The following EYA2 variants were observed in gnomAD, a reference collection of about 807,000 sequenced individuals.
EYA2 encodes the protein EYA transcriptional coactivator and phosphatase 2.
EYA2 carries 31 observed loss-of-function variants against 69.2 expected under a neutral mutation model. That is an observed-to-expected ratio of 0.45 (90% CI 0.34 to 0.60). The LOEUF is 0.60. Among genes scored for constraint, EYA2 ranks in the 20% least tolerant of loss-of-function variants. The pLI is 0.02. For missense variants in EYA2, 622 were observed against 701.2 expected, an observed-to-expected ratio of 0.89 and a Z score of 1.28; for synonymous variants, 257 against 279.4, an observed-to-expected ratio of 0.92 and a Z score of 0.80.
intron 1 of EYA2, among the ~76,000 whole-genome samples, chr20:46,951,367 C>T (rs756866136): frequency 6.6e-6 from 1 of 152,130 alleles, no homozygotes; most frequent in Non-Finnish European, 1.5e-5. Flanking sequence ...CTTATCCTAG[C>T]GTCTGTGCCC....
chr20:46,990,689 T>C (rs1000231177), intron 2 of EYA2, among the ~76,000 whole-genome samples: 24 of 152,240 alleles, frequency 1.6e-4, no homozygotes, highest in African/African-American at 5.3e-4. Context: ...TTCAGATCTG[T>C]CAGCCTTCCT....
chr20:47,075,088 G>T (rs770772484), intron 7 of EYA2, among the ~76,000 whole-genome samples: 9 of 152,238 alleles, frequency 5.9e-5, no homozygotes, highest in African/African-American at 2.2e-4. Flanking sequence ...TCCAGCCTGG[G>T]CAACAAGAGT....
At chr20:47,014,067 G>A (rs910063012) in intron 4 of EYA2, among the ~76,000 whole-genome samples, 2 of 152,132 alleles carry the variant, frequency 1.3e-5, no homozygotes, top group Non-Finnish European at 2.9e-5. Context: ...TTGATGTGAG[G>A]ATAAAAGAGA....
At chr20:46,987,758 C>G (rs1351132242) in intron 1 of EYA2, among the ~76,000 whole-genome samples, 2 of 151,710 alleles carry the variant, frequency 1.3e-5, no homozygotes, top group Admixed American at 6.6e-5. Flanking sequence ...AAAACCCCGT[C>G]TCTACTAAAA....
At chr20:47,094,074 G>A (rs1255668504) in intron 8 of EYA2, among the ~76,000 whole-genome samples, 1 of 152,200 alleles carries the variant, frequency 6.6e-6, no homozygotes, top group African/African-American at 2.4e-5. Context: ...TGATGGCCTA[G>A]GGAATAGGGT....
chr20:47,080,006 ACACTC>A (rs1395204213), intron 7 of EYA2, among the ~76,000 whole-genome samples: 1 of 152,264 alleles, frequency 6.6e-6, no homozygotes, highest in East Asian at 1.9e-4. Context: ...AATCTGTAGA[ACACTC>A]CACCCAACAG....
chr20:47,188,394 TCA>T lies in EYA2; in HGVS notation c.*264_*265del. 3 of 575,742 alleles carry T rather than the reference TCA, an allele frequency of 5.2e-6. No individual in the cohort carries two copies. The highest frequency in any genetic ancestry group is 4.7e-5 in the South Asian group (2 of 42,492). 35.7% of individuals were successfully genotyped at this position (575,742 alleles called of 1,614,324 possible). A position where few individuals can be genotyped will look rare whatever the true frequency, so the allele number is the denominator to read the frequency against. On this transcript the variant is annotated 3_prime_UTR_variant, in exon 16 of 16. Transcript: ENST00000327619. The stretch of plus-strand genomic sequence containing the variant: ...CGGAGTCTAGACTCTTCTGTAAGAC[TCA>T]CAGAACAAAAGCAAGGAATTGCTGA...
chr20:47,097,982 C>T (rs533630772), intron 9 of EYA2, among the ~76,000 whole-genome samples: 6 of 152,260 alleles, frequency 3.9e-5, no homozygotes, highest in South Asian at 2.1e-4. Flanking sequence ...GACTTGCCAG[C>T]GCCTGGAAAA....
intron 1 of EYA2, among the ~76,000 whole-genome samples, chr20:46,981,858 A>G (rs1003318125): frequency 6.6e-6 from 1 of 151,984 alleles, no homozygotes; most frequent in Non-Finnish European, 1.5e-5. Flanking sequence ...CAGTCTGGTG[A>G]TCTTTGTCTT....
chr20:47,016,086 C>A, intron 4 of EYA2, 95 bp from the exon 5 acceptor site: 1 of 880,760 alleles, frequency 1.1e-6, no homozygotes, highest in Non-Finnish European at 1.9e-6. Flanking sequence ...GATAAAATTG[C>A]ATGCTGTCTT....
At chr20:46,951,800 A>G (rs1978818922) in intron 1 of EYA2, among the ~76,000 whole-genome samples, 1 of 152,168 alleles carries the variant, frequency 6.6e-6, no homozygotes, top group Admixed American at 6.5e-5. Context: ...AGATGGGCCA[A>G]GTTCAACCTC....
At chr20:46,963,518 G>A (rs1487392912) in intron 1 of EYA2, among the ~76,000 whole-genome samples, 2 of 152,244 alleles carry the variant, frequency 1.3e-5, no homozygotes, top group Non-Finnish European at 2.9e-5. Context: ...ACTTTAGATG[G>A]TCTCAGTGCT....
At chr20:47,156,918 C>T (rs933557163) in intron 10 of EYA2, among the ~76,000 whole-genome samples, 4 of 151,902 alleles carry the variant, frequency 2.6e-5, no homozygotes, top group Non-Finnish European at 5.9e-5. Flanking sequence ...ATTCATGTCT[C>T]CAAGCAGCCA....
intron 5 of EYA2, among the ~76,000 whole-genome samples, chr20:47,041,858 ACTT>A (rs965834125): frequency 6.6e-6 from 1 of 151,990 alleles, no homozygotes; most frequent in Admixed American, 6.5e-5. Flanking sequence ...TAATTTACAG[ACTT>A]CTTTTGGTTC....
At chr20:47,050,579 C>A (rs2030280891) in intron 5 of EYA2, among the ~76,000 whole-genome samples, 1 of 152,140 alleles carries the variant, frequency 6.6e-6, no homozygotes, top group Admixed American at 6.5e-5. Context: ...GCTGCTCGGA[C>A]CATCAAACCT....
chr20:46,959,268 A>G (rs545208757), intron 1 of EYA2, among the ~76,000 whole-genome samples: 55 of 152,248 alleles, frequency 3.6e-4, no homozygotes, highest in Non-Finnish European at 6.2e-4. Context: ...CATTGTGTAC[A>G]TAGAGCCCTT....
At chr20:46,977,351 T>C (rs572870339) in intron 1 of EYA2, among the ~76,000 whole-genome samples, 41 of 152,370 alleles carry the variant, frequency 2.7e-4, no homozygotes, top group African/African-American at 9.4e-4. Flanking sequence ...ATGCAGTTCT[T>C]ATCTCAGCAG....
At chr20:47,106,345 A>G (rs962232639) in intron 9 of EYA2, among the ~76,000 whole-genome samples, 1 of 152,216 alleles carries the variant, frequency 6.6e-6, no homozygotes, top group Non-Finnish European at 1.5e-5. Context: ...ACTGTAATCA[A>G]GGGAGTATTT....
Position 47,072,132 on chromosome 20 carries a change from A to G in EYA2, c.416-53A>G, listed in dbSNP as rs1038797469. On this transcript the variant is annotated intron_variant, in intron 5 of 15. Coordinates refer to ENST00000327619, the MANE Select transcript of EYA2 (RefSeq NM_005244.5). The stretch of plus-strand genomic sequence containing the variant: ...CATGAAATGCTAACAACTGCTTTAA[A>G]GAGAAAAAAAGACAAGAACCCTAAC... The G allele has an allele frequency of 2.6e-6, 4 of 1,531,586 alleles. No homozygotes were observed. The African/African-American group carries it at 4.1e-5, about 16-fold the overall frequency. 94.9% of individuals were successfully genotyped at this position (1,531,586 alleles called of 1,614,324 possible).
Sources: allele counts gnomAD v4.1 joint callset (sites outside exome capture counted in the v4.1 genomes callset), GRCh38; gene constraint gnomAD v4.1.1; transcripts MANE v1.5; gene names NCBI Gene and HGNC (gene_info 2026-07-23, HGNC 2026-07-21).